The following CATSPERB variants were observed in gnomAD, a reference collection of about 807,000 sequenced individuals.
The protein encoded by CATSPERB is cation channel sperm-associated auxiliary subunit beta.
A neutral mutation model predicts 128.3 loss-of-function variants in CATSPERB; 93 were observed. The ratio of observed to expected loss-of-function variants is 0.72; its 90% CI spans 0.61 to 0.86. The LOEUF (loss-of-function observed/expected upper bound fraction) is 0.86. Among genes scored for constraint, CATSPERB ranks in the 40% least tolerant of loss-of-function variants. The pLI, the probability that CATSPERB is intolerant of heterozygous loss-of-function variation, is 0.00. For synonymous variants in CATSPERB, 381 were observed against 448.8 expected, an observed-to-expected ratio of 0.85 and a Z score of 1.91; for missense variants, 1,153 against 1,329.5, an observed-to-expected ratio of 0.87 and a Z score of 2.06.
chr14:91,720,122 C>T (rs960114035), intron 4 of CATSPERB, among the ~76,000 whole-genome samples: 2 of 151,926 alleles, frequency 1.3e-5, no homozygotes, highest in Non-Finnish European at 2.9e-5. Context: ...TCAAGAAGCC[C>T]AGGGAACCTT....
intron 6 of CATSPERB, 54 bp from the exon 7 acceptor site, chr14:91,704,755 T>C (rs1250358595): frequency 1.9e-6 from 3 of 1,565,580 alleles, no homozygotes; most frequent in East Asian, 4.5e-5. Flanking sequence ...TGAAAATGGA[T>C]GCTACTTTCC....
At chr14:91,718,002 A>C (rs942705718) in intron 5 of CATSPERB, among the ~76,000 whole-genome samples, 1 of 152,162 alleles carries the variant, frequency 6.6e-6, no homozygotes, top group Admixed American at 6.5e-5. Context: ...TTCTCGTATC[A>C]TCTTTGTTCC....
chr14:91,610,427 A>G (rs1225271079), intron 21 of CATSPERB, 53 bp downstream of exon 21: 1 of 1,478,358 alleles, frequency 6.8e-7, no homozygotes, highest in East Asian at 2.3e-5. Flanking sequence ...CAATCACACA[A>G]AAGTCACATA....
chr14:91,712,669 T>G (rs903143589), intron 5 of CATSPERB, among the ~76,000 whole-genome samples: 4 of 152,204 alleles, frequency 2.6e-5, no homozygotes, highest in Non-Finnish European at 4.4e-5. Context: ...TAAGTATTCA[T>G]TCATTCATTT....
chr14:91,636,336 C>T, intron 17 of CATSPERB, 89 bp downstream of exon 17: 1 of 1,230,896 alleles, frequency 8.1e-7, no homozygotes, highest in Non-Finnish European at 1.2e-6. Context: ...GCACTCCAGC[C>T]TGGATGACAG....
At chr14:91,717,146 T>C (rs148822010) in intron 5 of CATSPERB, among the ~76,000 whole-genome samples, 5 of 152,258 alleles carry the variant, frequency 3.3e-5, no homozygotes, top group Admixed American at 3.3e-4. Flanking sequence ...ATGATTCCAT[T>C]TATATGACCC....
At position 91,687,016 on chromosome 14, in the gene CATSPERB, A is replaced by G. The variant is rs1895388199; in HGVS notation, c.865-3073T>C. The stretch of plus-strand genomic sequence containing the variant: ...ATAATTATTGATAAGTGAAGAAAAT[A>G]ATTTAGCATACTTTGTATATAGTAT... On this transcript the variant is annotated intron_variant, in intron 10 of 26. Transcript: ENST00000256343. 2.6e-5 allele frequency among the ~76,000 whole-genome samples: 4 copies of G among 152,176 alleles called. No individual in the cohort carries two copies. In the South Asian group the frequency reaches 8.3e-4, roughly 32 times the overall value.
At chr14:91,674,855 C>A (rs1595174638) in intron 11 of CATSPERB, among the ~76,000 whole-genome samples, 1 of 152,208 alleles carries the variant, frequency 6.6e-6, no homozygotes, top group Non-Finnish European at 1.5e-5. Context: ...AAGATAGCCA[C>A]TGGGACAGGA....
chr14:91,720,875 T>C lies in CATSPERB; in HGVS notation c.310-1397A>G, dbSNP rs139056269. Among the ~76,000 whole-genome samples the C allele has an allele frequency of 6.2e-3, 949 of 152,298 alleles. 15 individuals are homozygous for C. Among genetic ancestry groups the C allele is most frequent in the African/African-American group, 0.021 (890 of 41,576 alleles). ...AGACAATATGATATTAGCATAAAGATAGACATGTGGATCAATGCAATAAAA... is the reference window on the plus strand; with the variant it reads ...AGACAATATGATATTAGCATAAAGACAGACATGTGGATCAATGCAATAAAA... On this transcript the variant is annotated intron_variant, in intron 4 of 26. Transcript: ENST00000256343.
rs112375167 is a variant in CATSPERB at position 91,690,374 on chromosome 14, ACT to A, written c.864+1147_864+1148del. Among the ~76,000 whole-genome samples the A allele has an allele frequency of 4.1e-3, 624 of 151,976 alleles. 8 individuals carry two copies. Among genetic ancestry groups the A allele is most frequent in the African/African-American group, 0.014 (584 of 41,464 alleles). On this transcript the variant is annotated intron_variant, in intron 10 of 26. Coordinates refer to ENST00000256343, the MANE Select transcript of CATSPERB (RefSeq NM_024764.4). ...CCTTGTGTCAGGTGCCATTCTAGAC[ACT>A]GGGATCTAGTAGCAAACAGCATAGA...
intron 17 of CATSPERB, among the ~76,000 whole-genome samples, chr14:91,626,563 G>C (rs55928314): frequency 6.6e-6 from 1 of 151,862 alleles, no homozygotes; most frequent in Admixed American, 6.6e-5. Context: ...CCTGATAAAA[G>C]AATGAATTCA....
intron 26 of CATSPERB, among the ~76,000 whole-genome samples, chr14:91,586,471 C>T (rs1416642107): frequency 2.6e-5 from 4 of 151,576 alleles, no homozygotes; most frequent in African/African-American, 9.7e-5. Flanking sequence ...GAGGTTTGCA[C>T]TGCTGCAATG....
chr14:91,659,997 G>C lies in CATSPERB; in HGVS notation c.1288-16C>G. 6.4e-7 allele frequency: 1 copy of C among 1,554,538 alleles called. No homozygotes were observed. The highest frequency in any genetic ancestry group is 8.6e-7 in the Non-Finnish European group (1 of 1,157,294). ...AAAGCCATATCTAAAGGAATAAAGAGATAATACCTTACTAAAGGGCTGCCA... is the reference window on the plus strand; with the variant it reads ...AAAGCCATATCTAAAGGAATAAAGACATAATACCTTACTAAAGGGCTGCCA... On this transcript the variant is annotated splice_polypyrimidine_tract_variant and intron_variant, in intron 14 of 26. Transcript: ENST00000256343.
intron 15 of CATSPERB, among the ~76,000 whole-genome samples, chr14:91,654,735 A>G (rs1894759994): frequency 6.6e-6 from 1 of 152,100 alleles, no homozygotes; most frequent in South Asian, 2.1e-4. Context: ...CTGATTATAG[A>G]GCTCTTGGGC....
intron 17 of CATSPERB, among the ~76,000 whole-genome samples, chr14:91,627,224 C>T (rs1894180584): frequency 6.6e-6 from 1 of 152,184 alleles, no homozygotes; most frequent in South Asian, 2.1e-4. Flanking sequence ...AAATTACAAA[C>T]TTACACTCTG....
intron 5 of CATSPERB, among the ~76,000 whole-genome samples, chr14:91,711,823 G>A (rs1435737771): frequency 6.6e-6 from 1 of 152,092 alleles, no homozygotes; most frequent in Non-Finnish European, 1.5e-5. Flanking sequence ...TACTAAATAA[G>A]CCATAAAACA....
At chr14:91,728,113 A>C (rs544540554) in intron 2 of CATSPERB, among the ~76,000 whole-genome samples, 46 of 151,698 alleles carry the variant, frequency 3.0e-4, no homozygotes, top group African/African-American at 1.1e-3. Flanking sequence ...TTCAAATAGA[A>C]ATTTGTTTTT....
chr14:91,600,589 C>A (rs1215394951), intron 22 of CATSPERB, among the ~76,000 whole-genome samples: 2 of 152,226 alleles, frequency 1.3e-5, no homozygotes, highest in African/African-American at 4.8e-5. Flanking sequence ...TTTAAAGACA[C>A]TTCAACACAT....
intron 19 of CATSPERB, 128 bp from the exon 20 acceptor site, chr14:91,617,864 TAC>T (rs1184795187): frequency 6.2e-5 from 41 of 656,976 alleles, no homozygotes; most frequent in African/African-American, 3.4e-4. Flanking sequence ...TGACTGCACA[TAC>T]AGTTAGCAAT....
Sources: allele counts gnomAD v4.1 joint callset (sites outside exome capture counted in the v4.1 genomes callset), GRCh38; gene constraint gnomAD v4.1.1; transcripts MANE v1.5; gene names NCBI Gene and HGNC (gene_info 2026-07-23, HGNC 2026-07-21).